Variants in CARMIL2 observed in about 807,000 individuals in gnomAD.
CARMIL2 encodes the protein capping protein, Arp2/3 and myosin-I linker protein 2.
Under a neutral mutation model 173.3 loss-of-function variants are expected in CARMIL2, and 96 were observed. The observed-to-expected ratio is 0.55, with a 90% CI of 0.47 to 0.66. The LOEUF is 0.66. CARMIL2 is among the 30% of genes least tolerant of loss of function. CARMIL2 has a pLI of 0.00. For missense variants in CARMIL2, 1,771 were observed against 1,906.7 expected (o/e 0.93, Z 1.33); for synonymous variants, 830 against 817.1 (o/e 1.02, Z -0.27).
In CARMIL2 at chr16:67,652,298, G is replaced by A; in HGVS notation, c.2776G>A (p.Gly926Ser). The A allele has an allele frequency of 1.2e-6, 2 of 1,613,314 alleles. No homozygotes were observed. The highest frequency in any genetic ancestry group is 1.3e-5 in the African/African-American group (1 of 75,002). The change falls in exon 27 of 38, where the codon GGT becomes AGT. Residue 926 changes from glycine (G) to serine (S), a missense_variant. Physicochemically the swap from Gly to Ser is moderately conservative, Grantham distance 56 (BLOSUM62 0). Coordinates refer to ENST00000334583, the MANE Select transcript of CARMIL2 (RefSeq NM_001013838.3). The surrounding 1 kb of genome is among the most constrained non-coding windows in gnomAD (Gnocchi z 4.7). ...PSLLEPGELE[G>S]LFFPEEKEEE... ...CCTCCTTGAGCCTGGGGAATTGGAA[G>A]GTCTTTTCTTCCCCGAGGAGAAGGA...
In CARMIL2 at chr16:67,652,292, T is replaced by C; in HGVS notation, c.2770T>C (p.Leu924=). 1 of 1,613,144 alleles carries C rather than the reference T, an allele frequency of 6.2e-7. No homozygotes were observed. The highest frequency in any genetic ancestry group is 8.5e-7 in the Non-Finnish European group (1 of 1,179,784). ...GEPSLLEPGE[L]EGLFFPEEKE... is the part of the protein sequence containing the mutation. ...GCCCAGCCTCCTTGAGCCTGGGGAA[T>C]TGGAAGGTCTTTTCTTCCCCGAGGA... Residue 924 remains leucine (L), a synonymous_variant, in exon 27 of 38, where the codon TTG becomes CTG. Transcript: ENST00000334583. This position sits in a 1 kb window ranked among gnomAD's most constrained non-coding sequence, Gnocchi z 4.7.
chr16:67,656,355 G>C, intron 34 of CARMIL2, 56 bp downstream of exon 34: 1 of 1,610,924 alleles, frequency 6.2e-7, no homozygotes, highest in Non-Finnish European at 8.5e-7. Flanking sequence ...GCAGGAGTTG[G>C]GTCAGACTGT....
At position 67,650,150 on chromosome 16, in the gene CARMIL2, G is replaced by A; in HGVS notation, c.2184G>A (p.Gln728=). ...GTCTGGTCTCAGACCCCTCAGAGCA[G>A]GTCAATGTCCCCTCCCCAACCACGA... The part of the protein sequence containing the change: ...PLGLVSDPSE[Q]EVNELCQSVQ... Residue 728 remains glutamine (Q), a splice_region_variant and synonymous_variant, in exon 22 of 38, where the codon CAG becomes CAA. Coordinates refer to ENST00000334583, the MANE Select transcript of CARMIL2 (RefSeq NM_001013838.3). 1 of 1,609,778 alleles carries A rather than the reference G, an allele frequency of 6.2e-7. No homozygotes were observed.
At chr16:67,650,438 C>A in intron 22 of CARMIL2, 1 of 509,904 alleles carries the variant, frequency 2.0e-6, no homozygotes, top group Non-Finnish European at 3.5e-6. Flanking sequence ...CCATCTCTGT[C>A]CTCACATATA....
In CARMIL2 at chr16:67,656,552, T is replaced by C; in HGVS notation, c.3943T>C (p.Ser1315Pro). Reference protein sequence around the residue: ...WGQQDGPGPPSPGQSPSPCRT... With the variant: ...WGQQDGPGPPPPGQSPSPCRT... ...CCAACAGGATGGTCCAGGCCCTCCCTCCCCTGGTCAAAGCCCAAGTCCCTG... is the reference window on the plus strand; with the variant it reads ...CCAACAGGATGGTCCAGGCCCTCCCCCCCCTGGTCAAAGCCCAAGTCCCTG... Residue 1315 changes from serine to proline, a missense_variant, in exon 35 of 38, where the codon TCC (serine) becomes CCC (proline). Transcript: ENST00000334583. 6.2e-7 allele frequency: 1 copy of C among 1,613,252 alleles called. No homozygotes were observed. The highest frequency in any genetic ancestry group is 1.1e-5 in the South Asian group (1 of 91,046).
At position 67,654,848 on chromosome 16, in the gene CARMIL2, A is replaced by G; in HGVS notation, c.3653A>G (p.Gln1218Arg). The change falls in exon 32 of 38, where the codon CAG (glutamine) becomes CGG (arginine). Residue 1218 changes from glutamine (Q) to arginine (R), a missense_variant. Transcript: ENST00000334583. ...SFEQRVQVML[Q>R]RIGVSRGSGG... is the part of the protein sequence containing the mutation. ...GAACAGCGGGTACAAGTAATGCTGC[A>G]GAGGATAGGCGTCAGCCGAGGCAGC... 1 of 1,613,732 alleles carries G rather than the reference A, an allele frequency of 6.2e-7. No homozygotes were observed. The highest frequency in any genetic ancestry group is 8.5e-7 in the Non-Finnish European group (1 of 1,179,886).
Position 67,648,937 on chromosome 16 carries a change from C to G in CARMIL2, c.1554C>G (p.Asp518Glu), listed in dbSNP as rs200219135. The change falls in exon 17 of 38, where the codon GAC becomes GAG. Residue 518 changes from aspartate to glutamate, a missense_variant. By Grantham distance (45) the Asp-to-Glu change is conservative. Transcript: ENST00000334583. This position sits in a 1 kb window ranked among gnomAD's most constrained non-coding sequence, Gnocchi z 6.1. ...AGGTGATACAAGACTTAGTGTGCGACGCAGGCGCTGTGAGCTCCCTGGATC... is the reference window on the plus strand; with the variant it reads ...AGGTGATACAAGACTTAGTGTGCGAGGCAGGCGCTGTGAGCTCCCTGGATC... ...GAQVIQDLVCDAGAVSSLDLA... is the reference protein window; with the variant it reads ...GAQVIQDLVCEAGAVSSLDLA... The G allele has an allele frequency of 7.8e-5, 125 of 1,609,800 alleles. No individual in the cohort carries two copies. The Admixed American group carries it at 2.1e-3, about 27-fold the overall frequency.
At position 67,648,626 on chromosome 16, in the gene CARMIL2, T is replaced by C; in HGVS notation, c.1440-59T>C. The C allele has an allele frequency of 6.6e-7, 1 of 1,524,554 alleles. No individual in the cohort carries two copies. The highest frequency in any genetic ancestry group is 8.9e-7 in the Non-Finnish European group (1 of 1,123,512). 94.4% of individuals were successfully genotyped at this position (1,524,554 alleles called of 1,614,324 possible). On this transcript the variant is annotated intron_variant, in intron 15 of 37. Transcript: ENST00000334583. The surrounding 1 kb of genome is among the most constrained non-coding windows in gnomAD (Gnocchi z 6.1). ...CCAGATCCTGGCCCTGCCTCCTTCG[T>C]TCGCACCCTGGAGCCCCCTGTCCCA... is the stretch of plus-strand genomic sequence containing the variant.
chr16:67,649,752 G>T lies in CARMIL2; in HGVS notation c.1920-54G>T. The T allele has an allele frequency of 1.3e-6, 2 of 1,588,822 alleles. No homozygotes were observed. Among genetic ancestry groups the T allele is most frequent in the Non-Finnish European group, 1.7e-6 (2 of 1,166,122 alleles). The stretch of plus-strand genomic sequence containing the variant: ...ACGAGGCGAATGGACTAGGCCGAGG[G>T]TTGGGTGGGGCGTTGGGAAGCTCCG... On this transcript the variant is annotated intron_variant, in intron 20 of 37. Coordinates refer to ENST00000334583, the MANE Select transcript of CARMIL2 (RefSeq NM_001013838.3). The surrounding 1 kb of genome is among the most constrained non-coding windows in gnomAD (Gnocchi z 6.7).
rs566260249 is a variant in CARMIL2 at position 67,654,088 on chromosome 16, G to A, written c.3121-61G>A. 9.9e-6 allele frequency: 11 copies of A among 1,110,022 alleles called. 1 individual carries two copies. In the Admixed American group the frequency reaches 1.4e-4, roughly 14 times the overall value. 68.8% of individuals were successfully genotyped at this position (1,110,022 alleles called of 1,614,324 possible). A position where few individuals can be genotyped will look rare whatever the true frequency, so the allele number is the denominator to read the frequency against. On this transcript the variant is annotated intron_variant, in intron 29 of 37. Coordinates refer to ENST00000334583, the MANE Select transcript of CARMIL2 (RefSeq NM_001013838.3). The stretch of plus-strand genomic sequence containing the variant: ...CAGTCCAGGCTGCCGGCCGGGGGGG[G>A]GGGGGGGTAGAAGCCAGAGTTGCAC...
rs1320301750 is a variant in CARMIL2 at position 67,647,453 on chromosome 16, T to A, written c.777-55T>A. ...GGCTTGGGACTGGGGGCTAGTGGCCTGGGAGGGGTTGGCAAACCAGGGGCA... is the reference window on the plus strand; with the variant it reads ...GGCTTGGGACTGGGGGCTAGTGGCCAGGGAGGGGTTGGCAAACCAGGGGCA... On this transcript the variant is annotated intron_variant, in intron 10 of 37. Coordinates refer to ENST00000334583, the MANE Select transcript of CARMIL2 (RefSeq NM_001013838.3). The A allele has an allele frequency of 4.5e-6, 7 of 1,558,314 alleles. No individual in the cohort carries two copies. The East Asian group carries it at 1.2e-4, about 26-fold the overall frequency.
rs868437447 is a variant in CARMIL2 at position 67,654,090 on chromosome 16, G to C, written c.3121-59G>C. ...GTCCAGGCTGCCGGCCGGGGGGGGG[G>C]GGGGGTAGAAGCCAGAGTTGCACTC... On this transcript the variant is annotated intron_variant, in intron 29 of 37. Coordinates refer to ENST00000334583, the MANE Select transcript of CARMIL2 (RefSeq NM_001013838.3). 3.4e-4 allele frequency: 379 copies of C among 1,105,464 alleles called. 16 individuals are homozygous for C. The East Asian group carries it at 8.2e-3, about 24-fold the overall frequency. 68.5% of individuals were successfully genotyped at this position (1,105,464 alleles called of 1,614,324 possible).
chr16:67,657,146 A>C lies in CARMIL2; in HGVS notation c.4118-93A>C, dbSNP rs2052878691. The C allele has an allele frequency of 8.8e-7, 1 of 1,141,340 alleles. No individual in the cohort carries two copies. The highest frequency in any genetic ancestry group is 1.5e-5 in the African/African-American group (1 of 65,308). The allele number at this position is 1,141,340 out of a possible 1,614,324, so 70.7% of individuals were successfully genotyped here. ...TGAAGGCAGCAGTGTGTGTGAGTGC[A>C]TGCTTATGTGCACTGGAGGTGGAAG... On this transcript the variant is annotated intron_variant, in intron 36 of 37. Transcript: ENST00000334583. This position sits in a 1 kb window ranked among gnomAD's most constrained non-coding sequence, Gnocchi z 4.5.
chr16:67,649,558 G>C lies in CARMIL2; in HGVS notation c.1858G>C (p.Ala620Pro). Residue 620 changes from alanine (A) to proline (P), a missense_variant, in exon 20 of 38, where the codon GCC (alanine) becomes CCC (proline). Ala to Pro is a conservative substitution (Grantham distance 27). Around this residue, in one of 3 missense-constraint regions of CARMIL2, gnomAD observed 944 missense variants for 975.6 expected, o/e 0.97. Coordinates refer to ENST00000334583, the MANE Select transcript of CARMIL2 (RefSeq NM_001013838.3). The surrounding 1 kb of genome is among the most constrained non-coding windows in gnomAD (Gnocchi z 6.7). ...GACCGCGCTGGATATCAGCGGCAAC[G>C]CCATGGGGGACGCGGGCGCCAAGTT... ...NLTALDISGN[A>P]MGDAGAKLLA... 1 of 1,603,332 alleles carries C rather than the reference G, an allele frequency of 6.2e-7. No individual in the cohort carries two copies. Among genetic ancestry groups the C allele is most frequent in the Non-Finnish European group, 8.5e-7 (1 of 1,179,716 alleles).
chr16:67,657,555 A>C lies in CARMIL2; in HGVS notation c.*37A>C. The C allele has an allele frequency of 6.2e-7, 1 of 1,613,832 alleles. No homozygotes were observed. The highest frequency in any genetic ancestry group is 8.5e-7 in the Non-Finnish European group (1 of 1,179,774). The stretch of plus-strand genomic sequence containing the variant: ...CCTGCCGCATGAGATTATTTTATTA[A>C]AAAACTCAAAGGAAGCAGAGTGTGG... On this transcript the variant is annotated 3_prime_UTR_variant, in exon 38 of 38. Coordinates refer to ENST00000334583, the MANE Select transcript of CARMIL2 (RefSeq NM_001013838.3). The surrounding 1 kb of genome is among the most constrained non-coding windows in gnomAD (Gnocchi z 4.5).
At chr16:67,656,207 G>T (rs375884362) in intron 33 of CARMIL2, 21 bp from the exon 34 acceptor site, 9 of 1,613,726 alleles carry the variant, frequency 5.6e-6, no homozygotes, top group Non-Finnish European at 6.8e-6. Context: ...TGGTACCTGA[G>T]TCCCCAGCTC....
intron 29 of CARMIL2, 23 bp from the exon 30 acceptor site, chr16:67,654,126 C>T: frequency 1.3e-6 from 2 of 1,493,158 alleles, no homozygotes; most frequent in Middle Eastern, 2.2e-4. Context: ...AACCCTGACC[C>T]CTGACCCCAT....
rs1226228765 is a variant in CARMIL2 at position 67,649,803 on chromosome 16, C to T, written c.1920-3C>T. 6.2e-7 allele frequency: 1 copy of T among 1,609,896 alleles called. No homozygotes were observed. Among genetic ancestry groups the T allele is most frequent in the Non-Finnish European group, 8.5e-7 (1 of 1,177,914 alleles). On this transcript the variant is annotated splice_region_variant and splice_polypyrimidine_tract_variant and intron_variant, in intron 20 of 37. Transcript: ENST00000334583. The surrounding 1 kb of genome is among the most constrained non-coding windows in gnomAD (Gnocchi z 6.7). ...TCCCCGACTGAAGCCAGGCCCGGCCCAGGTCTGTGGTCTGGGACCGGAACC... is the reference window on the plus strand; with the variant it reads ...TCCCCGACTGAAGCCAGGCCCGGCCTAGGTCTGTGGTCTGGGACCGGAACC...
rs1047555170 is a variant in CARMIL2, at chr16:67,654,133, C to G, written c.3121-16C>G. Reference sequence around the variant, plus strand: ...TTGCACTCAACCCTGACCCCTGACCCCATGATGCCCCCCAGGTACCCCCAG... The same window carrying G: ...TTGCACTCAACCCTGACCCCTGACCGCATGATGCCCCCCAGGTACCCCCAG... On this transcript the variant is annotated splice_polypyrimidine_tract_variant and intron_variant, in intron 29 of 37. Transcript: ENST00000334583. The G allele has an allele frequency of 1.3e-5, 20 of 1,527,822 alleles. No homozygotes were observed. The highest frequency in any genetic ancestry group is 2.8e-5 in the African/African-American group (2 of 72,246). The allele number at this position is 1,527,822 out of a possible 1,614,324, so 94.6% of individuals were successfully genotyped here.
Sources: gnomAD v4.1 joint callset for allele counts on GRCh38, gnomAD v4.1.1 for gene constraint, gnomAD v4.1.1 regional missense constraint, Gnocchi (gnomAD v3.1) non-coding constraint, MANE v1.5 for transcripts, NCBI Gene and HGNC (gene_info 2026-07-23, HGNC 2026-07-21) for gene names.